The following GAREM1 variants were observed in gnomAD, a reference collection of about 807,000 sequenced individuals.
GAREM1 encodes the protein GRB2 associated regulator of MAPK1 subtype 1.
Under a neutral mutation model 71.3 loss-of-function variants are expected in GAREM1, and 26 were observed. The observed-to-expected ratio is 0.36, with a 90% CI of 0.27 to 0.51. GAREM1 has a LOEUF of 0.51. Among genes scored for constraint, GAREM1 ranks in the 20% least tolerant of loss-of-function variants. The pLI is 0.95. For missense variants in GAREM1, 1,026 were observed against 1,103.1 expected (o/e 0.93, Z 0.99); for synonymous variants, 440 against 433.2 (o/e 1.02, Z -0.20).
At position 32,266,770 on chromosome 18, in the gene GAREM1, T is replaced by C. The variant is rs959870927; in HGVS notation, c.*1101A>G. The C allele has an allele frequency of 1.3e-5, 2 of 152,204 alleles. No homozygotes were observed. The highest frequency in any genetic ancestry group is 3.9e-4 in the East Asian group (2 of 5,194). 9.4% of individuals were successfully genotyped at this position (152,204 alleles called of 1,614,324 possible). A position where few individuals can be genotyped will look rare whatever the true frequency, so the allele number is the denominator to read the frequency against. Reference sequence around the variant, plus strand: ...TGAAGTAGGTTGAGAATGCCTAATGTACTCTGACAAATGCTCTTCAGACCT... The same window carrying C: ...TGAAGTAGGTTGAGAATGCCTAATGCACTCTGACAAATGCTCTTCAGACCT... On this transcript the variant is annotated 3_prime_UTR_variant, in exon 6 of 6. Coordinates refer to ENST00000269209, the MANE Select transcript of GAREM1 (RefSeq NM_001242409.2).
intron 1 of GAREM1, among the ~76,000 whole-genome samples, chr18:32,406,830 G>A (rs2048371184): frequency 6.6e-6 from 1 of 152,102 alleles, no homozygotes; most frequent in Non-Finnish European, 1.5e-5. Context: ...AATGGTTGAG[G>A]TATTATAAGA....
intron 4 of GAREM1, among the ~76,000 whole-genome samples, chr18:32,281,051 C>T (rs778878287): frequency 7.9e-5 from 12 of 152,070 alleles, no homozygotes; most frequent in Non-Finnish European, 1.5e-4. Flanking sequence ...AAATGTTTAC[C>T]GAGTGCCAGG....
chr18:32,462,866 G>A (rs1382437307), intron 1 of GAREM1, among the ~76,000 whole-genome samples: 1 of 152,138 alleles, frequency 6.6e-6, no homozygotes, highest in Non-Finnish European at 1.5e-5. Context: ...TATATAAAAA[G>A]GACATGAAAT....
At chr18:32,402,650 T>A (rs925924130) in intron 1 of GAREM1, among the ~76,000 whole-genome samples, 1 of 152,138 alleles carries the variant, frequency 6.6e-6, no homozygotes, top group African/African-American at 2.4e-5. Flanking sequence ...TACAATCTTA[T>A]ATATTTCTCA....
At chr18:32,268,944 G>T (rs1026584335) in intron 5 of GAREM1, among the ~76,000 whole-genome samples, 176 bp from the exon 6 acceptor site, 1 of 151,778 alleles carries the variant, frequency 6.6e-6, no homozygotes, top group Admixed American at 6.6e-5. Context: ...AAAATACATT[G>T]GTAATTGTAG....
chr18:32,416,878 T>C (rs779676411), intron 1 of GAREM1, among the ~76,000 whole-genome samples: 5 of 151,992 alleles, frequency 3.3e-5, no homozygotes, highest in Non-Finnish European at 4.4e-5. Context: ...TGGGGTCACA[T>C]AAAGTAAGAA....
intron 2 of GAREM1, among the ~76,000 whole-genome samples, chr18:32,319,454 G>A (rs185956805): frequency 2.0e-5 from 3 of 152,254 alleles, no homozygotes; most frequent in African/African-American, 4.8e-5. Context: ...CATTTTGTAT[G>A]GCACCAACCA....
rs747632594 is a variant in GAREM1, at chr18:32,287,008, A to T, written c.1566+23T>A. ...AGAGAGACAGAAAGACTGGCACCGC[A>T]TTCAAAAACAGAAATGACTTACGGC... is the stretch of plus-strand genomic sequence containing the variant. On this transcript the variant is annotated intron_variant, in intron 4 of 5. Transcript: ENST00000269209. The surrounding 1 kb of genome is among the most constrained non-coding windows in gnomAD (Gnocchi z 5.9). 63 of 1,549,622 alleles carry T rather than the reference A, an allele frequency of 4.1e-5. 1 individual carries two copies. The South Asian group carries it at 5.4e-4, about 13-fold the overall frequency.
chr18:32,296,848 T>C (rs2144491538), intron 3 of GAREM1, among the ~76,000 whole-genome samples: 1 of 152,230 alleles, frequency 6.6e-6, no homozygotes, highest in Non-Finnish European at 1.5e-5. Context: ...GGTCCTGGTT[T>C]CAGTTATTTT....
chr18:32,339,948 T>C (rs1034761248), intron 2 of GAREM1, among the ~76,000 whole-genome samples: 3 of 152,224 alleles, frequency 2.0e-5, no homozygotes, highest in Non-Finnish European at 2.9e-5. Context: ...ACACTGGTGC[T>C]GGAGTGACCA....
chr18:32,389,758 C>A (rs2048178458), intron 2 of GAREM1, among the ~76,000 whole-genome samples: 1 of 152,074 alleles, frequency 6.6e-6, no homozygotes, highest in Non-Finnish European at 1.5e-5. Context: ...TATATGCTCT[C>A]TTTTTTCCAA....
chr18:32,440,672 A>G (rs17811666), intron 1 of GAREM1, among the ~76,000 whole-genome samples: 35,258 of 152,154 alleles, frequency 0.23, 4,860 homozygotes, highest in East Asian at 0.39. Flanking sequence ...GTGCATACCC[A>G]TAGAACTTAC....
intron 2 of GAREM1, among the ~76,000 whole-genome samples, chr18:32,361,726 G>T (rs566722900): frequency 6.6e-6 from 1 of 152,212 alleles, no homozygotes; most frequent in South Asian, 2.1e-4. Flanking sequence ...TTTGTAAACT[G>T]TTTCTATTTC....
At chr18:32,284,551 T>C (rs1403387961) in intron 4 of GAREM1, among the ~76,000 whole-genome samples, 1 of 152,180 alleles carries the variant, frequency 6.6e-6, no homozygotes, top group Non-Finnish European at 1.5e-5. Context: ...GGTGTGACCA[T>C]CTCAGATGAG....
intron 3 of GAREM1, among the ~76,000 whole-genome samples, chr18:32,294,235 A>G (rs1436144311): frequency 1.3e-5 from 2 of 152,184 alleles, no homozygotes. Flanking sequence ...TAAGGGACAT[A>G]ATGGATTCAA....
In GAREM1 at chr18:32,363,162, G is replaced by A. The variant is rs76926922; in HGVS notation, c.262+29733C>T. Among the ~76,000 whole-genome samples, 222 of 150,976 alleles carry A rather than the reference G, an allele frequency of 1.5e-3. 1 individual carries two copies. The highest frequency in any genetic ancestry group is 5.2e-3 in the African/African-American group (215 of 41,150). Reference sequence around the variant, plus strand: ...CAAAGTTTCCCTAGCGAATGTTACAGAAGTATACCAATGTTTCTTATGAGA... The same window carrying A: ...CAAAGTTTCCCTAGCGAATGTTACAAAAGTATACCAATGTTTCTTATGAGA... On this transcript the variant is annotated intron_variant, in intron 2 of 5. Transcript: ENST00000269209.
At chr18:32,309,755 T>A (rs758033562) in intron 3 of GAREM1, among the ~76,000 whole-genome samples, 2 of 151,780 alleles carry the variant, frequency 1.3e-5, no homozygotes, top group Non-Finnish European at 2.9e-5. Flanking sequence ...AATGAATACA[T>A]GCTGACTTCA....
chr18:32,279,696 C>T (rs755061070), intron 4 of GAREM1, among the ~76,000 whole-genome samples: 16 of 152,004 alleles, frequency 1.1e-4, no homozygotes, highest in Non-Finnish European at 1.3e-4. Context: ...TGAGTCATCC[C>T]GAAACCACTC....
chr18:32,293,942 T>C (rs1209033619), intron 3 of GAREM1, among the ~76,000 whole-genome samples: 1 of 152,160 alleles, frequency 6.6e-6, no homozygotes, highest in African/African-American at 2.4e-5. Context: ...TTCTATAAAA[T>C]ACCTGGTGTG....
Sources: gnomAD v4.1 joint callset for allele counts (sites outside exome capture counted in the v4.1 genomes callset) on GRCh38, gnomAD v4.1.1 for gene constraint, Gnocchi (gnomAD v3.1) non-coding constraint, MANE v1.5 for transcripts, NCBI Gene and HGNC (gene_info 2026-07-23, HGNC 2026-07-21) for gene names.